The following NR6A1 variants were observed in gnomAD, a reference collection of about 807,000 sequenced individuals.
The protein encoded by NR6A1 is nuclear receptor subfamily 6 group A member 1.
NR6A1 carries 7 observed loss-of-function variants against 59.1 expected under a neutral mutation model. That is an observed-to-expected ratio of 0.12 (90% CI 0.07 to 0.22). NR6A1 has a LOEUF of 0.22. NR6A1 is among the 10% of genes least tolerant of loss of function. The pLI, the probability that NR6A1 is intolerant of heterozygous loss-of-function variation, is 1.00. For missense variants in NR6A1, 468 were observed against 611.6 expected, an observed-to-expected ratio of 0.77 and a Z score of 2.48; for synonymous variants, 243 against 236.1, an observed-to-expected ratio of 1.03 and a Z score of -0.27.
Position 124,538,253 on chromosome 9 carries a change from T to C in NR6A1, c.663A>G (p.Pro221=), listed in dbSNP as rs774053028. 1.1e-5 allele frequency: 17 copies of C among 1,614,182 alleles called. No homozygotes were observed. Among genetic ancestry groups the C allele is most frequent in the Admixed American group, 8.3e-5 (5 of 60,016 alleles). ...REQYMGMSVP[P]HYQYIPHLFS... is the part of the protein sequence containing the mutation. ...AAAGGTGCGGTATATATTGGTAATG[T>C]GGAGGCACAGACATTCCCATGTACT... The change falls in exon 6 of 10, where the codon CCA becomes CCG. Residue 221 remains proline, a synonymous_variant. Transcript: ENST00000487099.
Position 124,633,696 on chromosome 9 carries a change from G to A in NR6A1, c.143-79126C>T, listed in dbSNP as rs147254669. Among the ~76,000 whole-genome samples the A allele has an allele frequency of 2.4e-3, 369 of 152,154 alleles. 1 individual carries two copies. In the Middle Eastern group the frequency reaches 0.054, roughly 22 times the overall value. Reference sequence around the variant, plus strand: ...GTGGAGGCAAGGTCACTGCTCCATCGGGCCAAATTCTACAAAGCTCCAATT... The same window carrying A: ...GTGGAGGCAAGGTCACTGCTCCATCAGGCCAAATTCTACAAAGCTCCAATT... On this transcript the variant is annotated intron_variant, in intron 2 of 9. Coordinates refer to ENST00000487099, the MANE Select transcript of NR6A1 (RefSeq NM_033334.4).
At chr9:124,643,232 C>T (rs1588735737) in intron 2 of NR6A1, among the ~76,000 whole-genome samples, 1 of 151,962 alleles carries the variant, frequency 6.6e-6, no homozygotes, top group African/African-American at 2.4e-5. Flanking sequence ...GAGGCTGAGG[C>T]GGGAAGATAC....
At chr9:124,653,259 G>A (rs1172159996) in intron 2 of NR6A1, among the ~76,000 whole-genome samples, 1 of 151,522 alleles carries the variant, frequency 6.6e-6, no homozygotes, top group Non-Finnish European at 1.5e-5. Flanking sequence ...AATCAACTGA[G>A]TAGCTTGCAA....
intron 2 of NR6A1, among the ~76,000 whole-genome samples, chr9:124,638,705 G>C (rs1162556477): frequency 7.2e-5 from 11 of 152,272 alleles, no homozygotes; most frequent in African/African-American, 2.6e-4. Flanking sequence ...CAATAGTTAT[G>C]AAAGTTAAAA....
intron 8 of NR6A1, among the ~76,000 whole-genome samples, chr9:124,525,625 G>A (rs1433460134): frequency 6.6e-6 from 1 of 151,574 alleles, no homozygotes; most frequent in Non-Finnish European, 1.5e-5. Context: ...TCCAAGAGTT[G>A]GGATTACAGG....
At chr9:124,533,843 G>T (rs1264822496) in intron 7 of NR6A1, among the ~76,000 whole-genome samples, 2 of 151,832 alleles carry the variant, frequency 1.3e-5, no homozygotes, top group African/African-American at 4.8e-5. Context: ...TAGAGACGGG[G>T]TTTCACCATG....
At chr9:124,587,973 T>C (rs902776502) in intron 2 of NR6A1, among the ~76,000 whole-genome samples, 1 of 152,132 alleles carries the variant, frequency 6.6e-6, no homozygotes, top group Non-Finnish European at 1.5e-5. Context: ...GCTCAAGTGA[T>C]CCTCCTGCCT....
intron 2 of NR6A1, among the ~76,000 whole-genome samples, chr9:124,633,803 T>C (rs1359098977): frequency 6.6e-6 from 1 of 152,224 alleles, no homozygotes; most frequent in African/African-American, 2.4e-5. Context: ...GCACGCATGG[T>C]GATGTCCAAA....
chr9:124,609,767 T>C (rs1398028872), intron 2 of NR6A1, among the ~76,000 whole-genome samples: 1 of 152,238 alleles, frequency 6.6e-6, no homozygotes, highest in African/African-American at 2.4e-5. Context: ...CATTTGTTTG[T>C]GTCCTCTCTG....
At chr9:124,670,102 T>C (rs948141258) in intron 2 of NR6A1, among the ~76,000 whole-genome samples, 1 of 151,594 alleles carries the variant, frequency 6.6e-6, no homozygotes, top group Non-Finnish European at 1.5e-5. Flanking sequence ...CTTCTTAGCC[T>C]GGCAGAGCGG....
intron 2 of NR6A1, among the ~76,000 whole-genome samples, chr9:124,567,346 T>C (rs1405768134): frequency 6.6e-6 from 1 of 151,886 alleles, no homozygotes; most frequent in Non-Finnish European, 1.5e-5. Flanking sequence ...AGCTGAGACC[T>C]TAGGGAAGTA....
chr9:124,576,916 C>T (rs1287797898), intron 2 of NR6A1, among the ~76,000 whole-genome samples: 1 of 152,010 alleles, frequency 6.6e-6, no homozygotes, highest in African/African-American at 2.4e-5. Context: ...ATTAGCTAGC[C>T]GTGGTGGTGT....
chr9:124,587,643 T>C (rs1159509327), intron 2 of NR6A1, among the ~76,000 whole-genome samples: 2 of 152,230 alleles, frequency 1.3e-5, no homozygotes, highest in Non-Finnish European at 2.9e-5. Context: ...GACGTGTGCA[T>C]TATTGGCCAT....
At chr9:124,631,427 G>C (rs1836437803) in intron 2 of NR6A1, among the ~76,000 whole-genome samples, 1 of 152,070 alleles carries the variant, frequency 6.6e-6, no homozygotes, top group South Asian at 2.1e-4. Flanking sequence ...GCTACAAAGA[G>C]AAAACATTTT....
At chr9:124,768,036 G>A (rs370915893) in intron 1 of NR6A1, among the ~76,000 whole-genome samples, 1 of 152,140 alleles carries the variant, frequency 6.6e-6, no homozygotes, top group Non-Finnish European at 1.5e-5. Flanking sequence ...TGAAAATAGC[G>A]CAGTCAGCAC....
At chr9:124,628,271 G>A (rs1013449819) in intron 2 of NR6A1, among the ~76,000 whole-genome samples, 23 of 152,096 alleles carry the variant, frequency 1.5e-4, no homozygotes, top group Admixed American at 7.2e-4. Context: ...CAGGTGATCC[G>A]CCCGCCTCGG....
intron 2 of NR6A1, among the ~76,000 whole-genome samples, chr9:124,687,105 T>A (rs1838358003): frequency 6.6e-6 from 1 of 150,858 alleles, no homozygotes; most frequent in South Asian, 2.1e-4. Context: ...CCTGTCCACA[T>A]CCTTTTTTTT....
chr9:124,577,618 A>G (rs547899636), intron 2 of NR6A1, among the ~76,000 whole-genome samples: 6 of 152,376 alleles, frequency 3.9e-5, no homozygotes, highest in Non-Finnish European at 5.9e-5. Flanking sequence ...ACATGTTTGT[A>G]TAAGTAACCT....
intron 2 of NR6A1, among the ~76,000 whole-genome samples, chr9:124,701,698 C>T (rs149973528): frequency 2.0e-5 from 3 of 152,070 alleles, no homozygotes; most frequent in Non-Finnish European, 2.9e-5. Context: ...GAGTTCTTTA[C>T]GTATTTTAGA....
Sources: gnomAD v4.1 joint callset for allele counts (sites outside exome capture counted in the v4.1 genomes callset) on GRCh38, gnomAD v4.1.1 for gene constraint, MANE v1.5 for transcripts, NCBI Gene and HGNC (gene_info 2026-07-23, HGNC 2026-07-21) for gene names.